ANKRD37: variants seen among roughly 807,000 people sequenced by gnomAD.
ANKRD37 encodes ankyrin repeat domain-containing protein 37.
A neutral mutation model predicts 19.7 loss-of-function variants in ANKRD37; 17 were observed. That is an observed-to-expected ratio of 0.86 (90% CI 0.59 to 1.29). The LOEUF is 1.29. ANKRD37 is among the 50% of genes most tolerant of loss of function. The probability of loss-of-function intolerance (pLI) is 0.00; values close to 1 mark genes in which losing one functional copy is unlikely to be tolerated. For synonymous variants in ANKRD37, 79 were observed against 74.5 expected (o/e 1.06, Z -0.31); for missense variants, 207 against 190.4 (o/e 1.09, Z -0.51).
Position 185,396,916 on chromosome 4 carries a change from G to T in ANKRD37, c.-8G>T, listed in dbSNP as rs368996821. 3.7e-6 allele frequency: 6 copies of T among 1,613,434 alleles called. No individual in the cohort carries two copies. The African/African-American group carries it at 8.0e-5, about 22-fold the overall frequency. On this transcript the variant is annotated 5_prime_UTR_variant, in exon 1 of 5. In the 5' UTR this introduces an upstream ATG that the reference lacks. Transcript: ENST00000335174. ...CCAAGGACTCTTGTCATCTGCCTTA[G>T]GCGGGAAATGCTGTTGCTGGATTGC...
At chr4:185,397,425 G>A (rs1413738488) in intron 2 of ANKRD37, 123 bp downstream of exon 2, 1 of 1,238,322 alleles carries the variant, frequency 8.1e-7, no homozygotes, top group African/African-American at 1.5e-5. Flanking sequence ...ATGTCCAACA[G>A]AAATATAATG....
chr4:185,399,504 G>T (rs543985284), intron 3 of ANKRD37, 66 bp from the exon 4 acceptor site: 46 of 1,483,240 alleles, frequency 3.1e-5, no homozygotes, highest in Admixed American at 1.3e-4. Flanking sequence ...AAATTCCCTT[G>T]TAAGATATAA....
chr4:185,397,459 G>A, intron 2 of ANKRD37, 157 bp downstream of exon 2: 2 of 1,061,340 alleles, frequency 1.9e-6, no homozygotes, highest in East Asian at 2.8e-5. Context: ...TAATTTAAGA[G>A]TTTTTTTCCA....
intron 2 of ANKRD37, among the ~76,000 whole-genome samples, chr4:185,398,672 A>C (rs2095508971): frequency 6.6e-6 from 1 of 152,128 alleles, no homozygotes; most frequent in Admixed American, 6.5e-5. Context: ...TGTATCAAAA[A>C]CACATGACTT....
At chr4:185,397,042 G>A in intron 1 of ANKRD37, 92 bp downstream of exon 1, 1 of 1,610,176 alleles carries the variant, frequency 6.2e-7, no homozygotes, top group African/African-American at 1.3e-5. Context: ...GGACCACTGG[G>A]CGCTGCCTGG....
At position 185,399,009 on chromosome 4, in the gene ANKRD37, G is replaced by A; in HGVS notation, c.253G>A (p.Ala85Thr). The A allele has an allele frequency of 1.2e-6, 2 of 1,613,812 alleles. No homozygotes were observed. Among genetic ancestry groups the A allele is most frequent in the African/African-American group, 1.3e-5 (1 of 75,046 alleles). ...CCTGGAGTGCCTAAGCCTGCTTGTAGCCAGTGATGCCCAAATTGAGTGAGT... is the reference window on the plus strand; with the variant it reads ...CCTGGAGTGCCTAAGCCTGCTTGTAACCAGTGATGCCCAAATTGAGTGAGT... ...GSLECLSLLV[A>T]SDAQIDLCNK... The change falls in exon 3 of 5, where the codon GCC becomes ACC. Residue 85 changes from alanine to threonine, a missense_variant. Coordinates refer to ENST00000335174, the MANE Select transcript of ANKRD37 (RefSeq NM_181726.4).
In ANKRD37 at chr4:185,400,028, G is replaced by A. The variant is rs1013758866; in HGVS notation, c.*11G>A. On this transcript the variant is annotated 3_prime_UTR_variant, in exon 5 of 5. Transcript: ENST00000335174. ...GTTTTTAAAAACAGATGTCACGTGGGTTATGAAGAAGTCTGAAGAACGCCT... is the reference window on the plus strand; with the variant it reads ...GTTTTTAAAAACAGATGTCACGTGGATTATGAAGAAGTCTGAAGAACGCCT... 1.3e-6 allele frequency: 2 copies of A among 1,598,340 alleles called. No individual in the cohort carries two copies. The highest frequency in any genetic ancestry group is 1.8e-5 in the Admixed American group (1 of 56,936).
At position 185,398,946 on chromosome 4, in the gene ANKRD37, G is replaced by C. The variant is rs772006307; in HGVS notation, c.190G>C (p.Gly64Arg). 1 of 1,613,640 alleles carries C rather than the reference G, an allele frequency of 6.2e-7. No individual in the cohort carries two copies. The highest frequency in any genetic ancestry group is 1.1e-5 in the South Asian group (1 of 91,048). ...ACCATCTTACCTTAAGGATGTTTTA[G>C]GAGAAGCTCCACTACACAAGGCAGC... is the stretch of plus-strand genomic sequence containing the variant. ...GADLNQQDVLGEAPLHKAAKV... is the reference protein window; with the variant it reads ...GADLNQQDVLREAPLHKAAKV... Residue 64 changes from glycine to arginine, a missense_variant, in exon 3 of 5, where the codon GGA (glycine) becomes CGA (arginine). Coordinates refer to ENST00000335174, the MANE Select transcript of ANKRD37 (RefSeq NM_181726.4).
intron 2 of ANKRD37, among the ~76,000 whole-genome samples, chr4:185,398,366 A>C (rs1458512974): frequency 6.6e-6 from 1 of 152,270 alleles, no homozygotes; most frequent in Non-Finnish European, 1.5e-5. Flanking sequence ...AAAAAGCTTG[A>C]ATTTAAAAAT....
chr4:185,396,938 T>C lies in ANKRD37; in HGVS notation c.15T>C (p.Asp5=). ...TTAGGCGGGAAATGCTGTTGCTGGATTGCAACCCCGAGGTGAGATTCGGGC... is the reference window on the plus strand; with the variant it reads ...TTAGGCGGGAAATGCTGTTGCTGGACTGCAACCCCGAGGTGAGATTCGGGC... MLLL[D]CNPEVDGLKH... is the part of the protein sequence containing the mutation. The change falls in exon 1 of 5, where the codon GAT becomes GAC. Residue 5 remains aspartate, a synonymous_variant. Coordinates refer to ENST00000335174, the MANE Select transcript of ANKRD37 (RefSeq NM_181726.4). The C allele has an allele frequency of 6.2e-7, 1 of 1,613,714 alleles. No individual in the cohort carries two copies. The highest frequency in any genetic ancestry group is 8.5e-7 in the Non-Finnish European group (1 of 1,180,028).
chr4:185,398,622 T>C (rs2095508880), intron 2 of ANKRD37, among the ~76,000 whole-genome samples: 1 of 152,204 alleles, frequency 6.6e-6, no homozygotes, highest in Admixed American at 6.5e-5. Flanking sequence ...CGATTATCAG[T>C]AGTGTTTTTA....
Position 185,399,579 on chromosome 4 carries a change from TAAG to T in ANKRD37, c.285_287del (p.Lys95del), listed in dbSNP as rs1424487628. 1.2e-6 allele frequency: 2 copies of T among 1,614,206 alleles called. No individual in the cohort carries two copies. Among genetic ancestry groups the T allele is most frequent in the Admixed American group, 1.7e-5 (1 of 60,020 alleles). ...TTTATCCTGTTTTCAGTTTATGTAATAAGAACGGGCAAACAGCTGAAGATCTCG... is the reference window on the plus strand; with the variant it reads ...TTTATCCTGTTTTCAGTTTATGTAATAACGGGCAAACAGCTGAAGATCTCG... On this transcript the variant is annotated inframe_deletion, in exon 4 of 5. Transcript: ENST00000335174.
In ANKRD37 at chr4:185,396,869, A is replaced by G. The variant is rs2095504793; in HGVS notation, c.-55A>G. 2 of 1,591,836 alleles carry G rather than the reference A, an allele frequency of 1.3e-6. No homozygotes were observed. The highest frequency in any genetic ancestry group is 1.7e-6 in the Non-Finnish European group (2 of 1,163,246). ...CATTCTTACCTGTCGGGGTGCGGCG[A>G]GTGTCTCACCTCTCTGCACTTCCAA... On this transcript the variant is annotated 5_prime_UTR_variant, in exon 1 of 5. Coordinates refer to ENST00000335174, the MANE Select transcript of ANKRD37 (RefSeq NM_181726.4).
At position 185,399,736 on chromosome 4, in the gene ANKRD37, G is replaced by A. The variant is rs144479244; in HGVS notation, c.439G>A (p.Gly147Arg). The change falls in exon 4 of 5, where the codon GGA becomes AGA. Residue 147 changes from glycine (G) to arginine (R), a missense_variant. By Grantham distance (125) the Gly-to-Arg change is moderately radical. Coordinates refer to ENST00000335174, the MANE Select transcript of ANKRD37 (RefSeq NM_181726.4). ...VAVLRQKRSL[G>R]SVENTSGKRK... ...CGTGCTCAGACAGAAACGGAGTCTC[G>A]GAAGTGTAGAAAATACCAGTGGGAA... 2,547 of 1,614,046 alleles carry A rather than the reference G, an allele frequency of 1.6e-3. 26 individuals carry two copies. In the South Asian group the frequency reaches 0.017, roughly 11 times the overall value.
intron 1 of ANKRD37, 65 bp from the exon 2 acceptor site, chr4:185,397,085 C>T: frequency 6.2e-7 from 1 of 1,609,724 alleles, no homozygotes; most frequent in Non-Finnish European, 8.5e-7. Context: ...GGGAGGTTTC[C>T]AGCCCGGAGG....
intron 3 of ANKRD37, 42 bp from the exon 4 acceptor site, chr4:185,399,528 A>G: frequency 6.2e-7 from 1 of 1,600,884 alleles, no homozygotes; most frequent in South Asian, 1.1e-5. Flanking sequence ...AAAAGACTTA[A>G]GTTCAATGTT....
downstream of ANKRD37, chr4:185,400,270 T>C (rs1189894740): frequency 1.2e-6 from 1 of 867,216 alleles, no homozygotes; most frequent in East Asian, 2.6e-5. Flanking sequence ...TTTACAACCT[T>C]TGAAAAAGGT....
chr4:185,397,044 G>A (rs923345002), intron 1 of ANKRD37, 94 bp downstream of exon 1: 50 of 1,609,058 alleles, frequency 3.1e-5, no homozygotes, highest in Admixed American at 8.4e-5. Flanking sequence ...ACCACTGGGC[G>A]CTGCCTGGTC....
At chr4:185,400,557 G>T, downstream of ANKRD37, 1 of 1,044,870 alleles carries the variant, frequency 9.6e-7, no homozygotes, top group Non-Finnish European at 1.5e-6. Context: ...ATCAGGCTCT[G>T]TCAGCAGGAC....
Sources: allele counts gnomAD v4.1 joint callset (sites outside exome capture counted in the v4.1 genomes callset), GRCh38; gene constraint gnomAD v4.1.1; transcripts MANE v1.5; gene names NCBI Gene and HGNC (gene_info 2026-07-23, HGNC 2026-07-21).